ARFRP1: variants seen among roughly 807,000 people sequenced by gnomAD.
ARFRP1 encodes ARF related protein 1, also known as ADP-ribosylation factor-related protein 1.
ARFRP1 carries 19 observed loss-of-function variants against 30.3 expected under a neutral mutation model. The ratio of observed to expected loss-of-function variants is 0.63; its 90% CI spans 0.44 to 0.92. The LOEUF (loss-of-function observed/expected upper bound fraction) is 0.92. Among genes scored for constraint, ARFRP1 ranks in the 40% least tolerant of loss-of-function variants. ARFRP1 has a pLI of 0.00. For missense variants in ARFRP1, 245 were observed against 267.5 expected (o/e 0.92, Z 0.59); for synonymous variants, 133 against 114.2 (o/e 1.16, Z -1.05).
rs2091513520 is a variant in ARFRP1, at chr20:63,707,063, T to G, written c.29A>C (p.Lys10Thr). MYTLLSGLY[K>T]YMFQKDEYCI... ...GTACTCGTCCTTCTGAAACATGTAC[T>G]TGTACAAGCCCGACAGCAGCGTGTA... The change falls in exon 2 of 8, where the codon AAG (lysine) becomes ACG (threonine). Residue 10 changes from lysine to threonine, a missense_variant. By Grantham distance (78) the Lys-to-Thr change is moderately conservative (BLOSUM62 -1). Transcript: ENST00000622789. 1 of 1,613,764 alleles carries G rather than the reference T, an allele frequency of 6.2e-7. No individual in the cohort carries two copies. Among genetic ancestry groups the G allele is most frequent in the East Asian group, 2.2e-5 (1 of 44,882 alleles).
chr20:63,698,686 T>C lies in ARFRP1; in HGVS notation c.*1757A>G, dbSNP rs1601214254. The C allele has an allele frequency of 3.3e-6, 4 of 1,206,652 alleles. No homozygotes were observed. The South Asian group carries it at 7.9e-5, about 24-fold the overall frequency. 74.7% of individuals were successfully genotyped at this position (1,206,652 alleles called of 1,614,324 possible). A position where few individuals can be genotyped will look rare whatever the true frequency, so the allele number is the denominator to read the frequency against. The stretch of plus-strand genomic sequence containing the variant: ...TTTTTATAAAGCTTTTTCATAAAAC[T>C]GGTTGTAGTTGCACAGCTACTGGGA... On this transcript the variant is annotated 3_prime_UTR_variant, in exon 8 of 8. Coordinates refer to ENST00000622789, the MANE Select transcript of ARFRP1 (RefSeq NM_001267547.3).
chr20:63,700,621 C>T lies in ARFRP1; in HGVS notation c.499G>A (p.Ala167Thr), dbSNP rs747503408. The change falls in exon 7 of 8, where the codon GCC (alanine) becomes ACC (threonine). Residue 167 changes from alanine (A) to threonine (T), a missense_variant. Physicochemically the swap from Ala to Thr is moderately conservative, Grantham distance 58. Coordinates refer to ENST00000622789, the MANE Select transcript of ARFRP1 (RefSeq NM_001267547.3). ...KIGRRDCLTQ[A>T]CSALTGKGVR... ...ACTCACCCTGTGAGGGCCGAGCAGG[C>T]CTGGGTCAGGCAATCTCGCCTGCCG... The T allele has an allele frequency of 1.2e-6, 2 of 1,610,684 alleles. No homozygotes were observed. Among genetic ancestry groups the T allele is most frequent in the Non-Finnish European group, 1.7e-6 (2 of 1,179,810 alleles).
At chr20:63,701,394 T>C (rs1383636145) in intron 6 of ARFRP1, 2 of 533,372 alleles carry the variant, frequency 3.7e-6, no homozygotes, top group Non-Finnish European at 7.6e-6. Flanking sequence ...CAGAGGGGTC[T>C]TGAGGGGCTG....
chr20:63,701,724 TG>T, intron 6 of ARFRP1, 105 bp downstream of exon 6: 1 of 1,051,790 alleles, frequency 9.5e-7, no homozygotes. Flanking sequence ...CTGTACCCCC[TG>T]GGCAGTCACT....
chr20:63,700,218 C>T lies in ARFRP1; in HGVS notation c.*225G>A, dbSNP rs140653973. On this transcript the variant is annotated 3_prime_UTR_variant, in exon 8 of 8. Transcript: ENST00000622789. Reference sequence around the variant, plus strand: ...CCGCTGCGCCCTGTGGAAAGGCTGCCGCTGCAGGGCCTGGGCCAGCCGGGC... The same window carrying T: ...CCGCTGCGCCCTGTGGAAAGGCTGCTGCTGCAGGGCCTGGGCCAGCCGGGC... 1,587 of 620,430 alleles carry T rather than the reference C, an allele frequency of 2.6e-3. 9 individuals are homozygous for T. Among genetic ancestry groups the T allele is most frequent in the African/African-American group, 0.023 (1,248 of 54,008 alleles). 38.4% of individuals were successfully genotyped at this position (620,430 alleles called of 1,614,324 possible). A position where few individuals can be genotyped will look rare whatever the true frequency, so the allele number is the denominator to read the frequency against.
rs369819484 is a variant in ARFRP1, at chr20:63,698,984, T to A, written c.*1459A>T. Reference sequence around the variant, plus strand: ...GGGGCCCACACTAACCCCCCACTTATGAATTCCTCCCACTCCCAACTCACA... The same window carrying A: ...GGGGCCCACACTAACCCCCCACTTAAGAATTCCTCCCACTCCCAACTCACA... On this transcript the variant is annotated 3_prime_UTR_variant, in exon 8 of 8. Transcript: ENST00000622789. 6.3e-6 allele frequency: 1 copy of A among 158,312 alleles called. No individual in the cohort carries two copies. The highest frequency in any genetic ancestry group is 2.4e-5 in the African/African-American group (1 of 41,702). 9.8% of individuals were successfully genotyped at this position (158,312 alleles called of 1,614,324 possible). A position where few individuals can be genotyped will look rare whatever the true frequency, so the allele number is the denominator to read the frequency against.
chr20:63,702,340 A>C, intron 4 of ARFRP1, 123 bp from the exon 5 acceptor site: 5 of 859,098 alleles, frequency 5.8e-6, no homozygotes, highest in Non-Finnish European at 9.2e-6. Context: ...GCAGCCCCCA[A>C]CTGCAAGACC....
intron 5 of ARFRP1, 95 bp downstream of exon 5, chr20:63,702,041 C>T (rs1198015108): frequency 1.6e-6 from 2 of 1,253,262 alleles, no homozygotes; most frequent in African/African-American, 3.1e-5. Context: ...GCACTTCTGA[C>T]CAGACACTGA....
chr20:63,698,732 G>A lies in ARFRP1; in HGVS notation c.*1711C>T. On this transcript the variant is annotated 3_prime_UTR_variant, in exon 8 of 8. Coordinates refer to ENST00000622789, the MANE Select transcript of ARFRP1 (RefSeq NM_001267547.3). ...TGGGAGGGCAGCCGGGGACACCTGA[G>A]CCGCCCGCTGTGCCCAGATCCCTCA... The A allele has an allele frequency of 1.3e-6, 1 of 790,948 alleles. No homozygotes were observed. Among genetic ancestry groups the A allele is most frequent in the Non-Finnish European group, 1.8e-6 (1 of 551,514 alleles). The allele number at this position is 790,948 out of a possible 1,614,324, so 49.0% of individuals were successfully genotyped here.
chr20:63,700,768 ACT>A (rs1325463449), intron 6 of ARFRP1, 66 bp from the exon 7 acceptor site: 2 of 1,572,718 alleles, frequency 1.3e-6, no homozygotes, highest in Non-Finnish European at 1.7e-6. Context: ...TGGGCCCGGG[ACT>A]CTCAGAAGGG....
At chr20:63,702,363 A>C in intron 4 of ARFRP1, 146 bp from the exon 5 acceptor site, 1 of 735,356 alleles carries the variant, frequency 1.4e-6, no homozygotes, top group Non-Finnish European at 2.2e-6. Context: ...TCTGGGATGC[A>C]TTCTGGGGTT....
chr20:63,700,360 C>A lies in ARFRP1; in HGVS notation c.*83G>T, dbSNP rs1568744814. The A allele has an allele frequency of 2.5e-6, 4 of 1,577,276 alleles. No homozygotes were observed. The highest frequency in any genetic ancestry group is 1.7e-6 in the Non-Finnish European group (2 of 1,163,236). On this transcript the variant is annotated 3_prime_UTR_variant, in exon 8 of 8. Transcript: ENST00000622789. The stretch of plus-strand genomic sequence containing the variant: ...CCCCAAAGCAAAGCAAACCCACCCC[C>A]CAGATCAGCAGCATGGGAGCCAACA...
intron 6 of ARFRP1, 126 bp from the exon 7 acceptor site, chr20:63,700,828 C>T: frequency 7.7e-7 from 1 of 1,301,078 alleles, no homozygotes; most frequent in South Asian, 1.4e-5. Context: ...ACCAGGGTCC[C>T]AGTGTCTCCC....
chr20:63,702,340 A>G (rs1289619544), intron 4 of ARFRP1, 123 bp from the exon 5 acceptor site: 5 of 858,982 alleles, frequency 5.8e-6, no homozygotes, highest in Non-Finnish European at 9.2e-6. Flanking sequence ...GCAGCCCCCA[A>G]CTGCAAGACC....
At chr20:63,702,520 A>C (rs1321466261) in intron 4 of ARFRP1, 9 of 384,830 alleles carry the variant, frequency 2.3e-5, no homozygotes, top group Admixed American at 4.1e-5. Flanking sequence ...TGGGAGGCAG[A>C]AGCAGGAGGA....
rs910040265 is a variant in ARFRP1, at chr20:63,700,916, G to A, written c.418-214C>T. The A allele has an allele frequency of 3.9e-5, 25 of 636,680 alleles. No individual in the cohort carries two copies. The Admixed American group carries it at 4.2e-4, about 11-fold the overall frequency. 39.4% of individuals were successfully genotyped at this position (636,680 alleles called of 1,614,324 possible). A position where few individuals can be genotyped will look rare whatever the true frequency, so the allele number is the denominator to read the frequency against. On this transcript the variant is annotated intron_variant, in intron 6 of 7. Coordinates refer to ENST00000622789, the MANE Select transcript of ARFRP1 (RefSeq NM_001267547.3). ...TGGTAGTGCCTGAGACAAACTAGAC[G>A]TCCACACGGCTCCAAGGAGTCCACC...
At chr20:63,706,560 C>T (rs1277977900) in intron 3 of ARFRP1, 91 bp downstream of exon 3, 1 of 1,519,242 alleles carries the variant, frequency 6.6e-7, no homozygotes, top group South Asian at 1.1e-5. Context: ...TGAGAGGGGC[C>T]CGACAGGGCT....
chr20:63,704,001 G>A (rs1029959963), intron 4 of ARFRP1: 1 of 152,304 alleles, frequency 6.6e-6, no homozygotes, highest in African/African-American at 2.4e-5. Flanking sequence ...CTGTGGGTCT[G>A]AGTTTTTCTC....
chr20:63,707,400 C>A, intron 1 of ARFRP1: 1 of 287,458 alleles, frequency 3.5e-6, no homozygotes. Context: ...GCGCTCCCGC[C>A]CTCCCCCGAG....
Sources: gnomAD v4.1 joint callset for allele counts on GRCh38, gnomAD v4.1.1 for gene constraint, MANE v1.5 for transcripts, NCBI Gene and HGNC (gene_info 2026-07-23, HGNC 2026-07-21) for gene names.